The following TOX variants were observed in gnomAD, a reference collection of about 807,000 sequenced individuals.
TOX encodes the protein thymocyte selection associated high mobility group box, also known as thymocyte selection-associated high mobility group box protein TOX.
Under a neutral mutation model 53.7 loss-of-function variants are expected in TOX, and 11 were observed. The observed-to-expected ratio is 0.20, with a 90% confidence interval of 0.13 to 0.34. TOX has a LOEUF of 0.34. TOX is among the 10% of genes least tolerant of loss of function. The pLI is 1.00. For synonymous variants in TOX, 225 were observed against 245.3 expected (o/e 0.92, Z 0.77); for missense variants, 570 against 664.6 (o/e 0.86, Z 1.56).
intron 3 of TOX, among the ~76,000 whole-genome samples, chr8:58,885,465 C>A (rs1451064153): frequency 3.9e-5 from 6 of 152,104 alleles, no homozygotes. Flanking sequence ...TCACCTTACT[C>A]TGGTCACATT....
At chr8:58,880,331 A>T (rs1811362106) in intron 3 of TOX, among the ~76,000 whole-genome samples, 1 of 152,230 alleles carries the variant, frequency 6.6e-6, no homozygotes, top group Non-Finnish European at 1.5e-5. Flanking sequence ...AAAATGTAAG[A>T]TGGGACATCA....
At chr8:58,875,096 C>T (rs564356581) in intron 3 of TOX, among the ~76,000 whole-genome samples, 21 of 152,254 alleles carry the variant, frequency 1.4e-4, no homozygotes, top group African/African-American at 3.9e-4. Flanking sequence ...TGAGTACAGC[C>T]GACAGTTCAC....
At chr8:58,829,424 C>T (rs1563364162) in intron 5 of TOX, among the ~76,000 whole-genome samples, 1 of 152,072 alleles carries the variant, frequency 6.6e-6, no homozygotes, top group Non-Finnish European at 1.5e-5. Flanking sequence ...CGCATAAGTG[C>T]CTAAATACCA....
intron 6 of TOX, among the ~76,000 whole-genome samples, chr8:58,823,505 T>C (rs1254223988): frequency 6.6e-6 from 1 of 152,208 alleles, no homozygotes; most frequent in Non-Finnish European, 1.5e-5. Flanking sequence ...ATTACATGCA[T>C]GAGCCACCGT....
Position 59,062,827 on chromosome 8 carries a change from A to G in TOX, c.102+56059T>C, listed in dbSNP as rs74381219. Among the ~76,000 whole-genome samples the G allele has an allele frequency of 2.2e-4, 34 of 152,258 alleles. 1 individual carries two copies. In the East Asian group the frequency reaches 3.5e-3, roughly 16 times the overall value. ...GTGTGACAGAGAGAAAGAGAGAAAG[A>G]AAGTTAAAATTACAAAATAAAAGGA... On this transcript the variant is annotated intron_variant, in intron 1 of 8. Coordinates refer to ENST00000361421, the MANE Select transcript of TOX (RefSeq NM_014729.3).
chr8:58,892,789 A>G (rs1334202886), intron 3 of TOX, among the ~76,000 whole-genome samples: 1 of 152,202 alleles, frequency 6.6e-6, no homozygotes, highest in East Asian at 1.9e-4. Flanking sequence ...TCATTTCTGC[A>G]TTAATTCTGT....
chr8:58,972,874 A>G (rs1813026011), intron 1 of TOX, among the ~76,000 whole-genome samples: 1 of 152,214 alleles, frequency 6.6e-6, no homozygotes, highest in South Asian at 2.1e-4. Flanking sequence ...TTTTAAGATA[A>G]TATTGCTTAA....
intron 1 of TOX, among the ~76,000 whole-genome samples, chr8:59,022,129 A>G (rs1563421081): frequency 6.6e-6 from 1 of 152,202 alleles, no homozygotes; most frequent in Non-Finnish European, 1.5e-5. Context: ...TTTATGAACC[A>G]TCATGATATC....
intron 4 of TOX, among the ~76,000 whole-genome samples, chr8:58,849,263 C>T (rs1237329690): frequency 4.6e-5 from 7 of 152,066 alleles, no homozygotes; most frequent in Admixed American, 1.3e-4. Context: ...AACATGAATT[C>T]GTATGAATGT....
At chr8:59,113,375 TA>T (rs1586027509) in intron 1 of TOX, among the ~76,000 whole-genome samples, 1 of 152,176 alleles carries the variant, frequency 6.6e-6, no homozygotes, top group East Asian at 1.9e-4. Flanking sequence ...AAGGTTGTCT[TA>T]CTCTAGTACA....
intron 1 of TOX, among the ~76,000 whole-genome samples, chr8:59,065,236 A>AC (rs1804065759): frequency 2.0e-5 from 3 of 152,226 alleles, no homozygotes; most frequent in East Asian, 3.8e-4. Context: ...AACAACAACA[A>AC]AAAAACCATT....
chr8:58,965,894 G>GCTTTTTTT (rs1374766431), intron 1 of TOX, among the ~76,000 whole-genome samples: 4 of 49,616 alleles, frequency 8.1e-5, no homozygotes, highest in African/African-American at 3.1e-4. Flanking sequence ...ACGAGTCATC[G>GCTTTTTTT]TTTTTTTTTT....
intron 3 of TOX, among the ~76,000 whole-genome samples, chr8:58,920,553 G>C (rs1444723014): frequency 3.1e-5 from 2 of 63,956 alleles, no homozygotes; most frequent in Admixed American, 3.5e-4. Flanking sequence ...TCTGGGGACT[G>C]TGGTGGGGTC....
intron 4 of TOX, among the ~76,000 whole-genome samples, chr8:58,844,270 A>G (rs1810687296): frequency 6.6e-6 from 1 of 152,154 alleles, no homozygotes; most frequent in Non-Finnish European, 1.5e-5. Flanking sequence ...AGTACAACTG[A>G]GCAATTGAAT....
At chr8:58,900,648 C>A (rs928809242) in intron 3 of TOX, among the ~76,000 whole-genome samples, 1 of 152,016 alleles carries the variant, frequency 6.6e-6, no homozygotes. Context: ...ACCATCTATT[C>A]ATGTCATGTG....
intron 3 of TOX, among the ~76,000 whole-genome samples, chr8:58,878,246 C>T (rs1036135070): frequency 3.3e-5 from 5 of 151,828 alleles, no homozygotes; most frequent in African/African-American, 1.2e-4. Context: ...CTCCTTTGCT[C>T]TCCCTAGTTT....
intron 3 of TOX, among the ~76,000 whole-genome samples, chr8:58,876,833 A>C (rs1303484876): frequency 6.6e-6 from 1 of 152,216 alleles, no homozygotes; most frequent in East Asian, 1.9e-4. Flanking sequence ...AATAGTTACA[A>C]TTTTGCCTAG....
At chr8:59,043,227 A>ATGTGTG (rs1160526508) in intron 1 of TOX, among the ~76,000 whole-genome samples, 30 of 110,230 alleles carry the variant, frequency 2.7e-4, no homozygotes, top group Admixed American at 1.2e-3. Context: ...GTGTGTGTGC[A>ATGTGTG]TCTGTGTGTG....
intron 3 of TOX, among the ~76,000 whole-genome samples, chr8:58,924,374 C>T (rs1812120927): frequency 6.6e-6 from 1 of 152,244 alleles, no homozygotes; most frequent in Non-Finnish European, 1.5e-5. Flanking sequence ...AATCCCTGGA[C>T]ACCATCTGCA....
Sources: allele counts gnomAD v4.1 joint callset (sites outside exome capture counted in the v4.1 genomes callset), GRCh38; gene constraint gnomAD v4.1.1; transcripts MANE v1.5; gene names NCBI Gene and HGNC (gene_info 2026-07-23, HGNC 2026-07-21).